Variants in RIN3 observed in about 807,000 individuals in gnomAD.
RIN3 encodes the protein Ras and Rab interactor 3.
In RIN3, 54 loss-of-function variants were observed where a neutral mutation model predicts 76.3. The ratio of observed to expected loss-of-function variants is 0.71; its 90% CI spans 0.57 to 0.89. RIN3 has a LOEUF of 0.89. Among genes scored for constraint, RIN3 ranks in the 40% least tolerant of loss-of-function variants. The pLI, the probability that RIN3 is intolerant of heterozygous loss-of-function variation, is 0.00. For synonymous variants in RIN3, 576 were observed against 564.0 expected (o/e 1.02, Z -0.30); for missense variants, 1,256 against 1,322.1 (o/e 0.95, Z 0.78).
chr14:92,611,428 T>A (rs77230071), intron 3 of RIN3, among the ~76,000 whole-genome samples: 1 of 152,026 alleles, frequency 6.6e-6, no homozygotes, highest in Non-Finnish European at 1.5e-5. Context: ...TCCTGGCTAA[T>A]TTTTTTTATT....
chr14:92,610,661 G>A (rs937919417), intron 3 of RIN3, among the ~76,000 whole-genome samples: 1 of 152,190 alleles, frequency 6.6e-6, no homozygotes, highest in Non-Finnish European at 1.5e-5. Context: ...GGTGTAGAAG[G>A]TGGATCTAGA....
At chr14:92,542,665 C>A (rs1350394252) in intron 1 of RIN3, among the ~76,000 whole-genome samples, 1 of 152,196 alleles carries the variant, frequency 6.6e-6, no homozygotes, top group Non-Finnish European at 1.5e-5. Context: ...GGAAACTACT[C>A]AAATGTTAGC....
intron 3 of RIN3, among the ~76,000 whole-genome samples, chr14:92,578,825 G>T (rs1006940339): frequency 6.6e-6 from 1 of 152,198 alleles, no homozygotes; most frequent in African/African-American, 2.4e-5. Context: ...ACCAATCTTA[G>T]GTTTTATAAT....
chr14:92,552,447 G>A (rs941529906), intron 1 of RIN3, among the ~76,000 whole-genome samples: 2 of 152,196 alleles, frequency 1.3e-5, no homozygotes, highest in Non-Finnish European at 2.9e-5. Flanking sequence ...CATGTAGCTA[G>A]CTGGAAGCCC....
At chr14:92,540,307 C>T (rs933823956) in intron 1 of RIN3, among the ~76,000 whole-genome samples, 4 of 152,144 alleles carry the variant, frequency 2.6e-5, no homozygotes, top group African/African-American at 4.8e-5. Context: ...ACTGACCCAC[C>T]GAGGGTCGGG....
In RIN3 at chr14:92,652,020, C is replaced by A. The variant is rs1456320099; in HGVS notation, c.971C>A (p.Pro324His). The A allele has an allele frequency of 6.3e-7, 1 of 1,592,112 alleles. No homozygotes were observed. The highest frequency in any genetic ancestry group is 2.2e-5 in the East Asian group (1 of 44,710). ...SPPVPAPHVT[P>H]HAPGPPDHPN... ...CCAGTGCCTGCCCCCCACGTCACAC[C>A]CCATGCCCCAGGTCCCCCAGACCAT... The change falls in exon 6 of 10, where the codon CCC becomes CAC. Residue 324 changes from proline to histidine, a missense_variant. By Grantham distance (77) the Pro-to-His change is moderately conservative (BLOSUM62 -2). Around this residue, in one of 3 missense-constraint regions of RIN3, gnomAD observed 610 missense variants for 626.4 expected, o/e 0.97. Transcript: ENST00000216487. This position sits in a 1 kb window ranked among gnomAD's most constrained non-coding sequence, Gnocchi z 6.4.
At position 92,514,643 on chromosome 14, in the gene RIN3, C is replaced by T. The variant is rs1896388662; in HGVS notation, c.44+667C>T. On this transcript the variant is annotated intron_variant, in intron 1 of 9. Transcript: ENST00000216487. This position sits in a 1 kb window ranked among gnomAD's most constrained non-coding sequence, Gnocchi z 7.2. ...CTGCGCGCGGGCTGTGGATGCATGA[C>T]GCCGAATGGTTTGGGAACTGACTTG... Among the ~76,000 whole-genome samples, 1 of 152,202 alleles carries T rather than the reference C, an allele frequency of 6.6e-6. No individual in the cohort carries two copies.
At position 92,614,233 on chromosome 14, in the gene RIN3, C is replaced by T. The variant is rs565290118; in HGVS notation, c.368-1174C>T. 2.0e-5 allele frequency among the ~76,000 whole-genome samples: 3 copies of T among 152,328 alleles called. No homozygotes were observed. In the South Asian group the frequency reaches 6.2e-4, roughly 32 times the overall value. ...CTCGCCCTTGGGTGAGCTGTGCAGCCATTCAGGTTCTGAGAGGCCCTGGAG... is the reference window on the plus strand; with the variant it reads ...CTCGCCCTTGGGTGAGCTGTGCAGCTATTCAGGTTCTGAGAGGCCCTGGAG... On this transcript the variant is annotated intron_variant, in intron 3 of 9. Transcript: ENST00000216487.
intron 3 of RIN3, among the ~76,000 whole-genome samples, chr14:92,599,240 C>G (rs1885259137): frequency 7.5e-6 from 1 of 133,352 alleles, no homozygotes; most frequent in African/African-American, 2.8e-5. Flanking sequence ...AAGCCCCCCG[C>G]CCTTGGGGGT....
intron 3 of RIN3, among the ~76,000 whole-genome samples, chr14:92,579,026 C>T (rs1007120683): frequency 6.6e-5 from 10 of 152,018 alleles, no homozygotes; most frequent in African/African-American, 2.2e-4. Flanking sequence ...CTCCCGGGTT[C>T]AAGCGATTCT....
chr14:92,639,729 C>T lies in RIN3; in HGVS notation c.441-1509C>T, dbSNP rs1477170115. On this transcript the variant is annotated intron_variant, in intron 4 of 9. Coordinates refer to ENST00000216487, the MANE Select transcript of RIN3 (RefSeq NM_024832.5). The stretch of plus-strand genomic sequence containing the variant: ...GCCCCTGTTTCCCCATTAGTCCGAA[C>T]TCCTTCTGGGAGATCTCTGGAGGGA... Among the ~76,000 whole-genome samples the T allele has an allele frequency of 2.0e-5, 3 of 152,234 alleles. No individual in the cohort carries two copies. The East Asian group carries it at 5.8e-4, about 29-fold the overall frequency.
intron 1 of RIN3, among the ~76,000 whole-genome samples, chr14:92,536,908 AT>A (rs1897015015): frequency 6.6e-6 from 1 of 152,194 alleles, no homozygotes; most frequent in South Asian, 2.1e-4. Flanking sequence ...TGGTTCATGT[AT>A]GTTAACCAGC....
intron 4 of RIN3, among the ~76,000 whole-genome samples, chr14:92,628,895 T>A (rs1886453525): frequency 6.6e-6 from 1 of 151,404 alleles, no homozygotes; most frequent in Non-Finnish European, 1.5e-5. Flanking sequence ...CAGCCAATTA[T>A]CCTCAACTTC....
chr14:92,527,207 C>A (rs144692516), intron 1 of RIN3, among the ~76,000 whole-genome samples: 10,004 of 151,858 alleles, frequency 0.066, 1,098 homozygotes, highest in African/African-American at 0.23. Context: ...CCCGCCACCA[C>A]GCCCGGCTAA....
At chr14:92,594,117 A>G (rs946144607) in intron 3 of RIN3, among the ~76,000 whole-genome samples, 2 of 152,060 alleles carry the variant, frequency 1.3e-5, no homozygotes, top group African/African-American at 2.4e-5. Flanking sequence ...GCCGTAATAC[A>G]CACCTTAAAA....
chr14:92,687,560 G>A (rs1888908532), intron 9 of RIN3: 1 of 297,010 alleles, frequency 3.4e-6, no homozygotes, highest in Non-Finnish European at 6.3e-6. Context: ...TGCCCTCCGT[G>A]CCCAGCATTG....
intron 1 of RIN3, among the ~76,000 whole-genome samples, chr14:92,530,503 GTTGTT>G (rs1324092542): frequency 6.6e-6 from 1 of 152,134 alleles, no homozygotes; most frequent in Non-Finnish European, 1.5e-5. Context: ...TCGAGTTTTT[GTTGTT>G]TTGTTTTGTT....
chr14:92,566,794 CAA>C (rs1897926402), intron 2 of RIN3, among the ~76,000 whole-genome samples: 1 of 152,152 alleles, frequency 6.6e-6, no homozygotes, highest in Non-Finnish European at 1.5e-5. Flanking sequence ...GTTCAAGGCC[CAA>C]CACTCTGGAC....
chr14:92,525,994 T>C (rs779070841), intron 1 of RIN3, among the ~76,000 whole-genome samples: 14 of 151,660 alleles, frequency 9.2e-5, no homozygotes, highest in Non-Finnish European at 1.9e-4. Context: ...TGCCTGGGAG[T>C]TTCCCAGGTA....
Sources: gnomAD v4.1 joint callset for allele counts (sites outside exome capture counted in the v4.1 genomes callset) on GRCh38, gnomAD v4.1.1 for gene constraint, gnomAD v4.1.1 regional missense constraint, Gnocchi (gnomAD v3.1) non-coding constraint, MANE v1.5 for transcripts, NCBI Gene and HGNC (gene_info 2026-07-23, HGNC 2026-07-21) for gene names.